Variants in CDH20 observed in about 807,000 individuals in gnomAD.
The protein encoded by CDH20 is cadherin 20, also known as cadherin-20.
A neutral mutation model predicts 74.2 loss-of-function variants in CDH20; 29 were observed. The ratio of observed to expected loss-of-function variants is 0.39; its 90% CI spans 0.29 to 0.53. The LOEUF (loss-of-function observed/expected upper bound fraction) is 0.53, where lower values mean the gene tolerates loss of function less well. CDH20 is among the 20% of genes least tolerant of loss of function. CDH20 has a pLI of 0.69. For missense variants in CDH20, 988 were observed against 1,048.3 expected (o/e 0.94, Z 0.79); for synonymous variants, 469 against 405.4 (o/e 1.16, Z -1.88).
chr18:61,354,049 A>AAAAAG (rs1279845492), intron 1 of CDH20, among the ~76,000 whole-genome samples: 1 of 147,170 alleles, frequency 6.8e-6, no homozygotes, highest in African/African-American at 2.4e-5. Flanking sequence ...GTCAAAAAAA[A>AAAAAG]AAAAAGAAAA....
chr18:61,519,948 CAA>C (rs35503974), intron 6 of CDH20, among the ~76,000 whole-genome samples: 92,761 of 127,836 alleles, frequency 0.73, 33,989 homozygotes, highest in East Asian at 0.93. Context: ...AAATGGAAAG[CAA>C]AAAAAAAAAA....
intron 1 of CDH20, among the ~76,000 whole-genome samples, chr18:61,427,423 C>T (rs1440688414): frequency 6.6e-6 from 1 of 152,052 alleles, no homozygotes; most frequent in African/African-American, 2.4e-5. Flanking sequence ...AATCATGATT[C>T]CCACCTTGAT....
At chr18:61,462,810 A>G (rs1193810036) in intron 1 of CDH20, among the ~76,000 whole-genome samples, 1 of 152,050 alleles carries the variant, frequency 6.6e-6, no homozygotes, top group East Asian at 1.9e-4. Context: ...TTTTCTGGTA[A>G]CACACCTGCC....
Position 61,394,211 on chromosome 18 carries a change from G to A in CDH20, c.-153+60384G>A, listed in dbSNP as rs79799208. 3.0e-3 allele frequency among the ~76,000 whole-genome samples: 455 copies of A among 152,164 alleles called. 3 individuals are homozygous for A. The highest frequency in any genetic ancestry group is 0.011 in the African/African-American group (437 of 41,496). On this transcript the variant is annotated intron_variant, in intron 1 of 11. Transcript: ENST00000262717. The stretch of plus-strand genomic sequence containing the variant: ...TCAGAACAGATTCCCAATCAAATGC[G>A]AGTGGCCAGGAGTGAGCAGAGCCCC...
rs569557069 is a variant in CDH20, at chr18:61,336,758, C to T, written c.-153+2931C>T. On this transcript the variant is annotated intron_variant, in intron 1 of 11. Coordinates refer to ENST00000262717, the MANE Select transcript of CDH20 (RefSeq NM_031891.4). ...TGGTGTTCTATGGAGAAAGGAAAAA[C>T]GTAAAGAGACACGGAAGGAAGAGCT... Among the ~76,000 whole-genome samples the T allele has an allele frequency of 2.1e-3, 296 of 143,050 alleles. 1 individual carries two copies. Among genetic ancestry groups the T allele is most frequent in the Non-Finnish European group, 3.1e-3 (208 of 66,508 alleles). 93.8% of individuals were successfully genotyped at this position (143,050 alleles called of 152,430 possible).
At chr18:61,490,940 T>C (rs1053023560) in intron 2 of CDH20, 141 bp downstream of exon 2, 20 of 843,022 alleles carry the variant, frequency 2.4e-5, no homozygotes, top group African/African-American at 3.4e-5. Context: ...CTAGCTAAAA[T>C]GTAACTTCTG....
intron 1 of CDH20, among the ~76,000 whole-genome samples, chr18:61,411,618 A>ATG (rs1568129075): frequency 9.0e-6 from 1 of 111,238 alleles, no homozygotes; most frequent in African/African-American, 3.2e-5. Context: ...ATATATATAT[A>ATG]TGTGAGATAT....
intron 1 of CDH20, among the ~76,000 whole-genome samples, chr18:61,418,323 G>A (rs1156590338): frequency 6.6e-6 from 1 of 152,118 alleles, no homozygotes; most frequent in African/African-American, 2.4e-5. Flanking sequence ...GGGAGGCTGA[G>A]GTGGGTGGAT....
intron 1 of CDH20, among the ~76,000 whole-genome samples, chr18:61,418,432 T>C (rs1365669477): frequency 6.6e-6 from 1 of 151,738 alleles, no homozygotes; most frequent in Non-Finnish European, 1.5e-5. Flanking sequence ...TGGGCGCCTG[T>C]AGTCCCAGCT....
intron 1 of CDH20, among the ~76,000 whole-genome samples, chr18:61,361,567 TC>T (rs1284523619): frequency 6.6e-6 from 1 of 152,196 alleles, no homozygotes; most frequent in Non-Finnish European, 1.5e-5. Context: ...GCTCAGTCAC[TC>T]ACTGGATAGT....
chr18:61,503,048 G>C lies in CDH20; in HGVS notation c.757G>C (p.Gly253Arg), dbSNP rs866351659. ...CAAGGACATGGGAGGGCAGCTTGGA[G>C]GATTAGCTGGGACCACAACAGTCAA... ...QAKDMGGQLG[G>R]LAGTTTVNIT... Residue 253 changes from glycine to arginine, a missense_variant, in exon 5 of 12, where the codon GGA (glycine) becomes CGA (arginine). Transcript: ENST00000262717. 6.2e-7 allele frequency: 1 copy of C among 1,613,746 alleles called. No homozygotes were observed.
At chr18:61,482,756 CA>C (rs1472883619) in intron 1 of CDH20, among the ~76,000 whole-genome samples, 7 of 151,998 alleles carry the variant, frequency 4.6e-5, no homozygotes, top group Non-Finnish European at 1.0e-4. Context: ...CCCAGCCTTC[CA>C]AAGTGCTAAG....
chr18:61,554,888 G>T lies in CDH20; in HGVS notation c.*193G>T. On this transcript the variant is annotated 3_prime_UTR_variant, in exon 12 of 12. Coordinates refer to ENST00000262717, the MANE Select transcript of CDH20 (RefSeq NM_031891.4). The stretch of plus-strand genomic sequence containing the variant: ...AAATAAGCAAAAGGAAACCCAGAAG[G>T]AAGAGGGCAGAATCTTTAATTACCT... The T allele has an allele frequency of 7.2e-7, 1 of 1,395,672 alleles. No homozygotes were observed. The highest frequency in any genetic ancestry group is 9.3e-7 in the Non-Finnish European group (1 of 1,077,156). 86.5% of individuals were successfully genotyped at this position (1,395,672 alleles called of 1,614,324 possible).
chr18:61,424,000 A>G (rs1912981403), intron 1 of CDH20, among the ~76,000 whole-genome samples: 1 of 152,152 alleles, frequency 6.6e-6, no homozygotes, highest in Admixed American at 6.5e-5. Flanking sequence ...TCCTACGCTC[A>G]TCAAAAAAAT....
chr18:61,415,872 G>A (rs960718755), intron 1 of CDH20, among the ~76,000 whole-genome samples: 1 of 152,050 alleles, frequency 6.6e-6, no homozygotes, highest in South Asian at 2.1e-4. Flanking sequence ...TTTGGGCAAT[G>A]TAATTAGAAA....
At chr18:61,471,711 T>C (rs1369825833) in intron 1 of CDH20, among the ~76,000 whole-genome samples, 4 of 152,174 alleles carry the variant, frequency 2.6e-5, no homozygotes, top group Admixed American at 6.5e-5. Context: ...TTACCTCTTA[T>C]GGCAATTAAG....
intron 7 of CDH20, among the ~76,000 whole-genome samples, chr18:61,528,481 A>ACACACACC (rs755504850): frequency 4.2e-4 from 63 of 149,314 alleles, no homozygotes; most frequent in African/African-American, 1.4e-3. Context: ...ACACACACAC[A>ACACACACC]CCCCTTAGTT....
chr18:61,350,295 T>TA (rs1910261885), intron 1 of CDH20, among the ~76,000 whole-genome samples: 1 of 152,112 alleles, frequency 6.6e-6, no homozygotes, highest in Admixed American at 6.6e-5. Context: ...TAAATTTCTA[T>TA]AAAAAATTAT....
At chr18:61,434,593 CACTT>C (rs1206926510) in intron 1 of CDH20, among the ~76,000 whole-genome samples, 1 of 152,056 alleles carries the variant, frequency 6.6e-6, no homozygotes, top group South Asian at 2.1e-4. Context: ...GTGAAGTAGA[CACTT>C]ACCCACTTCT....
Sources: gnomAD v4.1 joint callset for allele counts (sites outside exome capture counted in the v4.1 genomes callset) on GRCh38, gnomAD v4.1.1 for gene constraint, MANE v1.5 for transcripts, NCBI Gene and HGNC (gene_info 2026-07-23, HGNC 2026-07-21) for gene names.